The following CTDSPL variants were observed in gnomAD, a reference collection of about 807,000 sequenced individuals.
CTDSPL encodes CTD small phosphatase-like protein.
Under a neutral mutation model 30.5 loss-of-function variants are expected in CTDSPL, and 8 were observed. That is an observed-to-expected ratio of 0.26 (90% CI 0.15 to 0.47). The LOEUF (loss-of-function observed/expected upper bound fraction) is 0.47. CTDSPL is among the 20% of genes least tolerant of loss of function. CTDSPL has a pLI of 0.99. For synonymous variants in CTDSPL, 110 were observed against 137.9 expected (o/e 0.80, Z 1.42); for missense variants, 248 against 366.1 (o/e 0.68, Z 2.63).
At chr3:37,930,908 T>G (rs1698845987) in intron 1 of CTDSPL, among the ~76,000 whole-genome samples, 1 of 152,226 alleles carries the variant, frequency 6.6e-6, no homozygotes, top group Non-Finnish European at 1.5e-5. Flanking sequence ...ATATAACTCC[T>G]TTTTATCATT....
intron 2 of CTDSPL, among the ~76,000 whole-genome samples, chr3:37,948,052 G>A (rs1431644024): frequency 2.0e-5 from 3 of 152,220 alleles, no homozygotes; most frequent in Non-Finnish European, 2.9e-5. Flanking sequence ...GGGAGGCCAA[G>A]GCGGGCAGAT....
chr3:37,874,020 G>A (rs1349230580), intron 1 of CTDSPL, among the ~76,000 whole-genome samples: 1 of 152,210 alleles, frequency 6.6e-6, no homozygotes, highest in African/African-American at 2.4e-5. Flanking sequence ...AGTTAAGGAA[G>A]CATCCATTTA....
At position 37,964,636 on chromosome 3, in the gene CTDSPL, T is replaced by C. The variant is rs1284601471; in HGVS notation, c.333T>C (p.Ile111=). ...ACTATGGAAAGAAATGTGTGGTCATTGATTTAGATGAAACATTGGTGCACA... is the reference window on the plus strand; with the variant it reads ...ACTATGGAAAGAAATGTGTGGTCATCGATTTAGATGAAACATTGGTGCACA... ...VLDYGKKCVV[I]DLDETLVHSS... Residue 111 remains isoleucine, a synonymous_variant, in exon 4 of 8, where the codon ATT becomes ATC. Transcript: ENST00000273179. The C allele has an allele frequency of 1.2e-6, 2 of 1,614,062 alleles. No individual in the cohort carries two copies. Among genetic ancestry groups the C allele is most frequent in the African/African-American group, 2.7e-5 (2 of 75,046 alleles).
At chr3:37,965,149 G>A (rs941876285) in intron 4 of CTDSPL, among the ~76,000 whole-genome samples, 2 of 152,226 alleles carry the variant, frequency 1.3e-5, no homozygotes, top group Non-Finnish European at 2.9e-5. Flanking sequence ...CCAGACTTCA[G>A]GGCATCTGAA....
chr3:37,906,348 A>G (rs1698515371), intron 1 of CTDSPL, among the ~76,000 whole-genome samples: 1 of 152,182 alleles, frequency 6.6e-6, no homozygotes, highest in Non-Finnish European at 1.5e-5. Flanking sequence ...TTTTGGGCCT[A>G]GGCATGTAAA....
intron 1 of CTDSPL, among the ~76,000 whole-genome samples, chr3:37,896,357 G>T (rs1235327185): frequency 6.6e-6 from 1 of 152,100 alleles, no homozygotes; most frequent in Non-Finnish European, 1.5e-5. Flanking sequence ...TCACCAAGGG[G>T]GCGGAAGGAT....
intron 1 of CTDSPL, among the ~76,000 whole-genome samples, chr3:37,941,419 CTT>C (rs770518070): frequency 1.1e-4 from 15 of 139,354 alleles, no homozygotes; most frequent in Admixed American, 1.4e-4. Flanking sequence ...ATCTTTTTTT[CTT>C]TTTTTTTTTT....
In CTDSPL at chr3:37,957,162, T is replaced by C; in HGVS notation, c.267+19T>C. On this transcript the variant is annotated intron_variant, in intron 3 of 7. Transcript: ENST00000273179. Reference sequence around the variant, plus strand: ...ACCAAGTGTATGTATATTTATCTAATTTTATTTATTAAAACAGTCATAAAA... The same window carrying C: ...ACCAAGTGTATGTATATTTATCTAACTTTATTTATTAAAACAGTCATAAAA... 5 of 1,538,820 alleles carry C rather than the reference T, an allele frequency of 3.2e-6. No individual in the cohort carries two copies. Among genetic ancestry groups the C allele is most frequent in the Non-Finnish European group, 4.4e-6 (5 of 1,129,284 alleles).
At chr3:37,949,535 G>T (rs754503484) in intron 2 of CTDSPL, among the ~76,000 whole-genome samples, 12 of 152,184 alleles carry the variant, frequency 7.9e-5, no homozygotes, top group Admixed American at 2.0e-4. Context: ...TGTCTCTCTT[G>T]TTCTCTCACA....
intron 1 of CTDSPL, among the ~76,000 whole-genome samples, chr3:37,881,891 A>G (rs932664939): frequency 1.3e-5 from 2 of 152,198 alleles, no homozygotes; most frequent in African/African-American, 4.8e-5. Flanking sequence ...TGTATCTCTA[A>G]TGTTTTGCTT....
At chr3:37,893,735 A>G (rs1698358445) in intron 1 of CTDSPL, among the ~76,000 whole-genome samples, 1 of 152,204 alleles carries the variant, frequency 6.6e-6, no homozygotes, top group Non-Finnish European at 1.5e-5. Flanking sequence ...AAAAGGAGGA[A>G]GAAGAGATAG....
intron 3 of CTDSPL, among the ~76,000 whole-genome samples, chr3:37,960,500 AAAAAAATATAT>A (rs1559645100): frequency 3.4e-5 from 2 of 58,242 alleles, no homozygotes; most frequent in African/African-American, 1.6e-4. Context: ...AAAAAAAAAA[AAAAAAATATAT>A]ATATATATAT....
At chr3:37,974,126 G>C (rs952220765) in intron 6 of CTDSPL, among the ~76,000 whole-genome samples, 3 of 152,322 alleles carry the variant, frequency 2.0e-5, no homozygotes, top group African/African-American at 7.2e-5. Context: ...TTCCAATGTG[G>C]CCCAGGGAAG....
At chr3:37,980,613 A>T in intron 7 of CTDSPL, 129 bp from the exon 8 acceptor site, 1 of 1,233,528 alleles carries the variant, frequency 8.1e-7, no homozygotes, top group Admixed American at 2.6e-5. Context: ...CAAAATCATG[A>T]TGATAACGAT....
chr3:37,872,572 C>CTTTTTTTTTTTTTTTTTTTTTTTTTT (rs1294021036), intron 1 of CTDSPL, among the ~76,000 whole-genome samples: 1 of 54,262 alleles, frequency 1.8e-5, no homozygotes. Context: ...ATTCTTTTAT[C>CTTTTTTTTTTTTTTTTTTTTTTTTTT]TTTTTTTTTT....
rs1698089140 is a variant in CTDSPL, at chr3:37,872,672, T to C, written c.79+10394T>C. ...TAACTGCAACCTCCACCTCCCAGAT[T>C]CAAGTGATTCTCCTGCCTAAGCCTC... On this transcript the variant is annotated intron_variant, in intron 1 of 7. Transcript: ENST00000273179. Among the ~76,000 whole-genome samples, 5 of 150,322 alleles carry C rather than the reference T, an allele frequency of 3.3e-5. No homozygotes were observed. In the South Asian group the frequency reaches 8.6e-4, roughly 26 times the overall value.
chr3:37,876,024 C>G (rs750734230), intron 1 of CTDSPL, among the ~76,000 whole-genome samples: 7 of 152,062 alleles, frequency 4.6e-5, no homozygotes, highest in Non-Finnish European at 8.8e-5. Flanking sequence ...GGGAGGATCA[C>G]TGGGGCCCAG....
intron 1 of CTDSPL, among the ~76,000 whole-genome samples, chr3:37,888,171 A>G (rs1212652910): frequency 6.6e-6 from 1 of 152,180 alleles, no homozygotes; most frequent in Non-Finnish European, 1.5e-5. Flanking sequence ...CAGCAGGAAA[A>G]ACATCTCCTG....
intron 1 of CTDSPL, among the ~76,000 whole-genome samples, chr3:37,910,645 A>G (rs1399226982): frequency 2.0e-5 from 3 of 152,262 alleles, no homozygotes; most frequent in Admixed American, 6.5e-5. Context: ...ATATTTAAAT[A>G]TATTTCTTAA....
Sources: gnomAD v4.1 joint callset for allele counts (sites outside exome capture counted in the v4.1 genomes callset) on GRCh38, gnomAD v4.1.1 for gene constraint, MANE v1.5 for transcripts, NCBI Gene and HGNC (gene_info 2026-07-23, HGNC 2026-07-21) for gene names.